Variants in KIAA0753 observed in about 807,000 individuals in gnomAD.
The protein encoded by KIAA0753 is KIAA0753.
A neutral mutation model predicts 116.9 loss-of-function variants in KIAA0753; 114 were observed. The ratio of observed to expected loss-of-function variants is 0.98; its 90% CI spans 0.84 to 1.14. KIAA0753 has a LOEUF of 1.14. Ranked by LOEUF, KIAA0753 falls within the 50% of genes most tolerant of loss-of-function variation. KIAA0753 has a pLI of 0.00. For synonymous variants in KIAA0753, 405 were observed against 413.1 expected (o/e 0.98, Z 0.24); for missense variants, 1,156 against 1,172.4 (o/e 0.99, Z 0.20).
chr17:6,631,885 T>TTTA (rs1555534161), intron 2 of KIAA0753, among the ~76,000 whole-genome samples: 3 of 151,994 alleles, frequency 2.0e-5, no homozygotes, highest in Admixed American at 2.0e-4. Context: ...CTGGAGTATC[T>TTTA]TTTATTTATT....
At chr17:6,623,860 G>A (rs564966291) in intron 4 of KIAA0753, 50 of 279,476 alleles carry the variant, frequency 1.8e-4, no homozygotes, top group Admixed American at 5.2e-4. Flanking sequence ...TAGGCGGGCC[G>A]GATCGTGAAG....
At chr17:6,595,567 G>A (rs1000358524) in intron 15 of KIAA0753, among the ~76,000 whole-genome samples, 5 of 152,214 alleles carry the variant, frequency 3.3e-5, no homozygotes, top group Non-Finnish European at 7.3e-5. Context: ...ATGGTGCGAT[G>A]GAAAAGAAAA....
intron 10 of KIAA0753, 150 bp from the exon 11 acceptor site, chr17:6,607,420 G>A (rs1003261872): frequency 6.3e-5 from 39 of 617,580 alleles, no homozygotes; most frequent in Admixed American, 1.7e-4. Flanking sequence ...TAATCTCTCC[G>A]TACCCCTAAA....
Position 6,610,093 on chromosome 17 carries a change from G to C in KIAA0753, c.1613C>G (p.Thr538Arg). The C allele has an allele frequency of 3.7e-6, 6 of 1,614,114 alleles. No homozygotes were observed. Among genetic ancestry groups the C allele is most frequent in the Non-Finnish European group, 5.1e-6 (6 of 1,180,010 alleles). The change falls in exon 9 of 19, where the codon ACA becomes AGA. Residue 538 changes from threonine to arginine, a missense_variant. Physicochemically the swap from Thr to Arg is moderately conservative, Grantham distance 71. Coordinates refer to ENST00000361413, the MANE Select transcript of KIAA0753 (RefSeq NM_014804.3). ...GTTCATTTTTAATCTGGATGAAACTGTTGTCTGCTGCACTCTGCTTTTACT... is the reference window on the plus strand; with the variant it reads ...GTTCATTTTTAATCTGGATGAAACTCTTGTCTGCTGCACTCTGCTTTTACT... The part of the protein sequence containing the change: ...PHSKSRVQQT[T>R]VSSRLKMNRQ...
At chr17:6,593,783 C>T (rs1969262882) in intron 16 of KIAA0753, among the ~76,000 whole-genome samples, 1 of 152,198 alleles carries the variant, frequency 6.6e-6, no homozygotes, top group African/African-American at 2.4e-5. Context: ...ACTTGGGAGG[C>T]TGAGGCAACA....
intron 18 of KIAA0753, among the ~76,000 whole-genome samples, chr17:6,585,094 TA>T (rs1285768275): frequency 3.3e-5 from 5 of 152,172 alleles, no homozygotes; most frequent in Non-Finnish European, 7.3e-5. Flanking sequence ...ACCCGGGCCC[TA>T]AAAATGTTTC....
chr17:6,600,374 G>C lies in KIAA0753; in HGVS notation c.2088+6C>G, dbSNP rs760466700. ...GCAAGCAAATGAAACGAACTAGATA[G>C]ATTACCTGGGCCTTGACCAAGAGAG... On this transcript the variant is annotated splice_donor_region_variant and intron_variant, in intron 13 of 18. Coordinates refer to ENST00000361413, the MANE Select transcript of KIAA0753 (RefSeq NM_014804.3). 1.2e-6 allele frequency: 2 copies of C among 1,611,134 alleles called. No homozygotes were observed. Among genetic ancestry groups the C allele is most frequent in the Admixed American group, 3.3e-5 (2 of 59,932 alleles).
At chr17:6,622,149 G>A (rs915275871) in intron 6 of KIAA0753, among the ~76,000 whole-genome samples, 1 of 152,182 alleles carries the variant, frequency 6.6e-6, no homozygotes, top group Non-Finnish European at 1.5e-5. Context: ...GTATGGCGTA[G>A]GGGAACTAAT....
At chr17:6,602,121 T>C (rs779035873) in intron 12 of KIAA0753, among the ~76,000 whole-genome samples, 18 of 152,236 alleles carry the variant, frequency 1.2e-4, no homozygotes, top group Non-Finnish European at 2.4e-4. Context: ...AGCTCAATTG[T>C]TAGCAAGGAT....
rs745322813 is a variant in KIAA0753 at position 6,628,552 on chromosome 17, CTT to C, written c.281_282del (p.Gln94ArgfsTer4). ...AGGTGGACAGCATAGCTAAGTCTCT[CTT>C]GGGATATGACGGAAAATGAAACAGA... Reference protein sequence around the residue: ...GSSVSFSVISQERLSYAVHLA... With the variant: ...GSSVSFSVISXERLSYAVHLA... On this transcript the variant is annotated frameshift_variant, in exon 3 of 19. Coordinates refer to ENST00000361413, the MANE Select transcript of KIAA0753 (RefSeq NM_014804.3). LOFTEE classifies it high-confidence loss of function. 6.2e-7 allele frequency: 1 copy of C among 1,614,214 alleles called. No homozygotes were observed.
intron 3 of KIAA0753, among the ~76,000 whole-genome samples, chr17:6,626,944 TA>T (rs886349632): frequency 2.6e-5 from 4 of 152,072 alleles, no homozygotes; most frequent in African/African-American, 9.7e-5. Flanking sequence ...TCAAAGTAGG[TA>T]GGGGTCCATG....
At chr17:6,620,638 A>T in intron 7 of KIAA0753, 150 bp downstream of exon 7, 1 of 712,008 alleles carries the variant, frequency 1.4e-6, no homozygotes, top group South Asian at 1.7e-5. Context: ...CCCAGGAAAC[A>T]TCTTGGTTGC....
In KIAA0753 at chr17:6,620,872, T is replaced by C. The variant is rs757867054; in HGVS notation, c.1231A>G (p.Lys411Glu). The change falls in exon 7 of 19, where the codon AAG becomes GAG. Residue 411 changes from lysine (K) to glutamate (E), a missense_variant. Coordinates refer to ENST00000361413, the MANE Select transcript of KIAA0753 (RefSeq NM_014804.3). ...ALERWPSTSPKGERRPLTAKD... is the reference protein window; with the variant it reads ...ALERWPSTSPEGERRPLTAKD... Reference sequence around the variant, plus strand: ...GCTGTGAGGGGCCTCCTCTCACCCTTTGGTGATGTACTTGGCCATCTCTCC... The same window carrying C: ...GCTGTGAGGGGCCTCCTCTCACCCTCTGGTGATGTACTTGGCCATCTCTCC... 5.3e-5 allele frequency: 86 copies of C among 1,614,094 alleles called. No individual in the cohort carries two copies. The highest frequency in any genetic ancestry group is 6.1e-5 in the Non-Finnish European group (72 of 1,180,022).
At chr17:6,594,277 A>C (rs1276644125) in intron 16 of KIAA0753, among the ~76,000 whole-genome samples, 45 of 142,016 alleles carry the variant, frequency 3.2e-4, no homozygotes, top group Middle Eastern at 3.6e-3. Context: ...TCAGATTCTG[A>C]CCCCCCCCCC....
Position 6,579,516 on chromosome 17 carries a change from G to A in KIAA0753, c.*231C>T. 2.2e-6 allele frequency: 1 copy of A among 456,164 alleles called. No homozygotes were observed. The highest frequency in any genetic ancestry group is 4.0e-6 in the Non-Finnish European group (1 of 252,078). 28.3% of individuals were successfully genotyped at this position (456,164 alleles called of 1,614,324 possible). A position where few individuals can be genotyped will look rare whatever the true frequency, so the allele number is the denominator to read the frequency against. ...AATATTGCCATAATCAAGTTGTGTT[G>A]CCTGGGCACTGATAAGTGTGATACA... On this transcript the variant is annotated 3_prime_UTR_variant, in exon 19 of 19. Coordinates refer to ENST00000361413, the MANE Select transcript of KIAA0753 (RefSeq NM_014804.3).
Position 6,590,585 on chromosome 17 carries a change from G to A in KIAA0753, c.2486C>T (p.Pro829Leu), listed in dbSNP as rs1271344880. 6.2e-7 allele frequency: 1 copy of A among 1,613,988 alleles called. No individual in the cohort carries two copies. Among genetic ancestry groups the A allele is most frequent in the South Asian group, 1.1e-5 (1 of 91,064 alleles). The change falls in exon 17 of 19, where the codon CCA becomes CTA. Residue 829 changes from proline to leucine, a missense_variant. Coordinates refer to ENST00000361413, the MANE Select transcript of KIAA0753 (RefSeq NM_014804.3). ...ATCCACTGTCTTCGTGATTCTGATT[G>A]GATGAGGAGATAGAGGCTTTTCACT... is the stretch of plus-strand genomic sequence containing the variant. The part of the protein sequence containing the change: ...AISEKPLSPH[P>L]IRITKTVDRK...
In KIAA0753 at chr17:6,590,522, G is replaced by A; in HGVS notation, c.2549C>T (p.Pro850Leu). 4 of 1,613,926 alleles carry A rather than the reference G, an allele frequency of 2.5e-6. No individual in the cohort carries two copies. Among genetic ancestry groups the A allele is most frequent in the South Asian group, 1.1e-5 (1 of 91,066 alleles). ...CTTTGCCACTTACTTGCCATTACAG[G>A]GCCTTTCTAACATGATGTTCACGGC... ...DPAVNIMLER[P>L]CNGNSLDESV... is the part of the protein sequence containing the mutation. The change falls in exon 17 of 19, where the codon CCC becomes CTC. Residue 850 changes from proline (P) to leucine (L), a missense_variant. Physicochemically the swap from Pro to Leu is moderately conservative, Grantham distance 98. Coordinates refer to ENST00000361413, the MANE Select transcript of KIAA0753 (RefSeq NM_014804.3).
intron 18 of KIAA0753, among the ~76,000 whole-genome samples, chr17:6,583,701 TTTG>T (rs1172938084): frequency 1.3e-5 from 2 of 152,202 alleles, no homozygotes; most frequent in Non-Finnish European, 2.9e-5. Flanking sequence ...CCATTTGGAT[TTTG>T]TTTAGTTCCC....
chr17:6,594,281 C>CG (rs1969301286), intron 16 of KIAA0753, among the ~76,000 whole-genome samples: 2 of 145,520 alleles, frequency 1.4e-5, no homozygotes, highest in African/African-American at 5.2e-5. Flanking sequence ...ATTCTGACCC[C>CG]CCCCCCCAGA....
Sources: gnomAD v4.1 joint callset for allele counts (sites outside exome capture counted in the v4.1 genomes callset) on GRCh38, gnomAD v4.1.1 for gene constraint, MANE v1.5 for transcripts, NCBI Gene and HGNC (gene_info 2026-07-23, HGNC 2026-07-21) for gene names.